Variants in CARM1 observed in about 807,000 individuals in gnomAD.
CARM1 encodes coactivator associated arginine methyltransferase 1.
CARM1 carries 14 observed loss-of-function variants against 72.7 expected under a neutral mutation model. That is an observed-to-expected ratio of 0.19 (90% CI 0.13 to 0.30). CARM1 has a LOEUF of 0.30. Ranked by LOEUF, CARM1 falls within the 10% of genes least tolerant of loss-of-function variation. The pLI is 1.00. For missense variants in CARM1, 432 were observed against 833.7 expected, an observed-to-expected ratio of 0.52 and a Z score of 5.93; for synonymous variants, 333 against 345.5, an observed-to-expected ratio of 0.96 and a Z score of 0.40.
chr19:10,895,174 T>C (rs2074015489), intron 1 of CARM1, among the ~76,000 whole-genome samples: 1 of 152,130 alleles, frequency 6.6e-6, no homozygotes, highest in African/African-American at 2.4e-5. Context: ...GCGTGATTTC[T>C]GCTCACTGCA....
chr19:10,908,826 G>A (rs1428088387), intron 3 of CARM1: 1 of 334,710 alleles, frequency 3.0e-6, no homozygotes, highest in Non-Finnish European at 5.7e-6. Flanking sequence ...AACCCTGCCT[G>A]TGGCAAATCT....
At chr19:10,918,793 A>G (rs2074217927) in intron 8 of CARM1, among the ~76,000 whole-genome samples, 1 of 152,200 alleles carries the variant, frequency 6.6e-6, no homozygotes, top group Non-Finnish European at 1.5e-5. Context: ...GGGAAAAGGT[A>G]GAGGCCAGAA....
intron 1 of CARM1, among the ~76,000 whole-genome samples, chr19:10,894,945 G>A (rs8105092): frequency 0.25 from 38,110 of 151,658 alleles, 4,865 homozygotes; most frequent in Middle Eastern, 0.34. Flanking sequence ...GGGTCTCACT[G>A]TGTTACCCAG....
chr19:10,918,386 C>T (rs377650744), intron 8 of CARM1, among the ~76,000 whole-genome samples: 2 of 152,018 alleles, frequency 1.3e-5, no homozygotes, highest in Non-Finnish European at 2.9e-5. Context: ...CCACCATGCC[C>T]GGCTAATTTA....
chr19:10,882,778 G>A (rs575546915), intron 1 of CARM1, among the ~76,000 whole-genome samples: 12 of 152,180 alleles, frequency 7.9e-5, no homozygotes, highest in African/African-American at 2.2e-4. Context: ...CTAACCTCAA[G>A]TGGATCTGCC....
intron 1 of CARM1, among the ~76,000 whole-genome samples, chr19:10,903,430 A>G (rs1009525547): frequency 2.0e-5 from 3 of 152,210 alleles, no homozygotes; most frequent in Non-Finnish European, 4.4e-5. Context: ...ACATCATGGG[A>G]ATTTGCCATA....
At chr19:10,902,455 A>G (rs973546566) in intron 1 of CARM1, among the ~76,000 whole-genome samples, 2 of 151,666 alleles carry the variant, frequency 1.3e-5, no homozygotes, top group Non-Finnish European at 2.9e-5. Context: ...CACTATGCCC[A>G]GCTAATTTTG....
At chr19:10,917,718 C>CTTTTTTTTTTT (rs1164032277) in intron 8 of CARM1, among the ~76,000 whole-genome samples, 3 of 129,826 alleles carry the variant, frequency 2.3e-5, no homozygotes, top group African/African-American at 5.7e-5. Context: ...TTTTCTTTTT[C>CTTTTTTTTTTT]TTTTTTTTTT....
chr19:10,909,063 C>A, intron 3 of CARM1, 40 bp from the exon 4 acceptor site: 9 of 1,499,638 alleles, frequency 6.0e-6, no homozygotes, highest in Non-Finnish European at 8.3e-6. Flanking sequence ...CTGCCTCGTG[C>A]CACCATGTGC....
chr19:10,893,401 C>G (rs1026579552), intron 1 of CARM1, among the ~76,000 whole-genome samples: 11 of 151,292 alleles, frequency 7.3e-5, no homozygotes, highest in Non-Finnish European at 1.3e-4. Context: ...TGCAGTGGTG[C>G]GATCTCGGCT....
chr19:10,909,543 G>A (rs1448206048), intron 4 of CARM1, among the ~76,000 whole-genome samples: 1 of 152,044 alleles, frequency 6.6e-6, no homozygotes, highest in Non-Finnish European at 1.5e-5. Flanking sequence ...AGACCATCCT[G>A]GCTAACACGA....
At chr19:10,880,954 G>A (rs1276531719) in intron 1 of CARM1, among the ~76,000 whole-genome samples, 1 of 152,068 alleles carries the variant, frequency 6.6e-6, no homozygotes, top group Non-Finnish European at 1.5e-5. Flanking sequence ...TTTGAGTCCA[G>A]GAATTTACAA....
chr19:10,919,421 T>C (rs569519308), intron 8 of CARM1, 174 bp from the exon 9 acceptor site: 5 of 590,830 alleles, frequency 8.5e-6, no homozygotes, highest in Non-Finnish European at 1.5e-5. Flanking sequence ...TGTCACCTGA[T>C]TGCCCTCGGT....
intron 1 of CARM1, among the ~76,000 whole-genome samples, chr19:10,874,028 GTGTTTT>G (rs1368287428): frequency 6.6e-6 from 1 of 152,140 alleles, no homozygotes; most frequent in African/African-American, 2.4e-5. Flanking sequence ...GTTTGTATTT[GTGTTTT>G]TGTTTTTGTT....
chr19:10,909,882 C>T (rs1381087500), intron 4 of CARM1, among the ~76,000 whole-genome samples: 4 of 152,248 alleles, frequency 2.6e-5, no homozygotes, highest in Admixed American at 1.3e-4. Context: ...AGTATGAGGT[C>T]TCTTCTTCAA....
intron 1 of CARM1, among the ~76,000 whole-genome samples, chr19:10,904,077 C>T (rs1186295200): frequency 1.3e-5 from 2 of 152,214 alleles, no homozygotes; most frequent in Non-Finnish European, 2.9e-5. Flanking sequence ...GCATTGGGCA[C>T]TCCCCTCTTT....
rs1263062756 is a variant in CARM1, at chr19:10,920,839, C to T, written c.1430C>T (p.Thr477Met). Residue 477 changes from threonine to methionine, a missense_variant, in exon 13 of 16, where the codon ACG becomes ATG. Transcript: ENST00000327064. The surrounding 1 kb of genome is among the most constrained non-coding windows in gnomAD (Gnocchi z 5.3). ...LDLKNPFFRY[T>M]GTTPSPPPGS... ...TGGCTCTGTCTCTGCCATAGATACA[C>T]GGGCACAACGCCCTCACCCCCACCC... 6.8e-6 allele frequency: 11 copies of T among 1,614,130 alleles called. No individual in the cohort carries two copies. The highest frequency in any genetic ancestry group is 4.5e-5 in the East Asian group (2 of 44,888).
chr19:10,904,984 C>T lies in CARM1; in HGVS notation c.254C>T (p.Ser85Phe), dbSNP rs772797139. Residue 85 changes from serine (S) to phenylalanine (F), a missense_variant, in exon 2 of 16, where the codon TCC becomes TTC. Transcript: ENST00000327064. ...GTGTGTGTCTTTAAGTGCTCAGTGTCCCGAGAGACAGAGTGCAGCCGTGTG... is the reference window on the plus strand; with the variant it reads ...GTGTGTGTCTTTAAGTGCTCAGTGTTCCGAGAGACAGAGTGCAGCCGTGTG... Reference protein sequence around the residue: ...EDVCVFKCSVSRETECSRVGK... With the variant: ...EDVCVFKCSVFRETECSRVGK... The T allele has an allele frequency of 1.9e-6, 3 of 1,614,104 alleles. No homozygotes were observed. Among genetic ancestry groups the T allele is most frequent in the Middle Eastern group, 1.6e-4 (1 of 6,084 alleles).
intron 1 of CARM1, among the ~76,000 whole-genome samples, chr19:10,881,749 A>G (rs2073903683): frequency 6.6e-6 from 1 of 152,080 alleles, no homozygotes; most frequent in South Asian, 2.1e-4. Flanking sequence ...AGAAACAGGC[A>G]GCGAAAGTGG....
Sources: gnomAD v4.1 joint callset for allele counts (sites outside exome capture counted in the v4.1 genomes callset) on GRCh38, gnomAD v4.1.1 for gene constraint, Gnocchi (gnomAD v3.1) non-coding constraint, MANE v1.5 for transcripts, NCBI Gene and HGNC (gene_info 2026-07-23, HGNC 2026-07-21) for gene names.